Variants in RAB7A observed in about 807,000 individuals in gnomAD.
RAB7A encodes RAB7A, member RAS oncogene family, also known as ras-related protein Rab-7a.
In RAB7A, 2 loss-of-function variants were observed where a neutral mutation model predicts 24.5. The observed-to-expected ratio is 0.08, with a 90% CI of 0.03 to 0.26. The LOEUF (loss-of-function observed/expected upper bound fraction) is 0.26. Ranked by LOEUF, RAB7A falls within the 10% of genes least tolerant of loss-of-function variation. The pLI, the probability that RAB7A is intolerant of heterozygous loss-of-function variation, is 1.00. For synonymous variants in RAB7A, 100 were observed against 95.9 expected, an observed-to-expected ratio of 1.04 and a Z score of -0.25; for missense variants, 118 against 255.7, an observed-to-expected ratio of 0.46 and a Z score of 3.67.
chr3:128,789,824 C>G (rs1185858777), intron 1 of RAB7A, among the ~76,000 whole-genome samples: 1 of 143,604 alleles, frequency 7.0e-6, no homozygotes. Context: ...GAGTTTCACT[C>G]TTGTTGCCCA....
At chr3:128,727,830 A>G (rs1376117434) in intron 1 of RAB7A, among the ~76,000 whole-genome samples, 1 of 152,184 alleles carries the variant, frequency 6.6e-6, no homozygotes, top group Non-Finnish European at 1.5e-5. Flanking sequence ...TTCTCTCTTC[A>G]AACTTGGGAA....
At chr3:128,750,832 G>A (rs2107591152) in intron 1 of RAB7A, among the ~76,000 whole-genome samples, 1 of 152,334 alleles carries the variant, frequency 6.6e-6, no homozygotes, top group Non-Finnish European at 1.5e-5. Flanking sequence ...CAGGCCTGGA[G>A]GCCTAGGAGA....
At position 128,813,694 on chromosome 3, in the gene RAB7A, G is replaced by A. The variant is rs1559799464; in HGVS notation, c.*272G>A. ...TCTGCCTGCCCACCCACATGAGCCC[G>A]CGAGTATGGCAGCAGGACAAGCCAG... On this transcript the variant is annotated 3_prime_UTR_variant, in exon 6 of 6. Coordinates refer to ENST00000265062, the MANE Select transcript of RAB7A (RefSeq NM_004637.6). 6 of 501,738 alleles carry A rather than the reference G, an allele frequency of 1.2e-5. No individual in the cohort carries two copies. The highest frequency in any genetic ancestry group is 5.9e-5 in the South Asian group (3 of 50,534). The allele number at this position is 501,738 out of a possible 1,614,324, so 31.1% of individuals were successfully genotyped here. A position where few individuals can be genotyped will look rare whatever the true frequency, so the allele number is the denominator to read the frequency against.
intron 1 of RAB7A, among the ~76,000 whole-genome samples, chr3:128,747,483 G>A (rs1236294498): frequency 1.3e-5 from 2 of 151,486 alleles, no homozygotes; most frequent in African/African-American, 4.9e-5. Flanking sequence ...CTACTTGGGA[G>A]GCTGAGGCAG....
chr3:128,788,190 C>G, intron 1 of RAB7A, among the ~76,000 whole-genome samples: 1 of 152,158 alleles, frequency 6.6e-6, no homozygotes, highest in East Asian at 1.9e-4. Flanking sequence ...GTTCAAGTAA[C>G]TCATAATTGA....
At chr3:128,755,099 AC>A (rs1392802289) in intron 1 of RAB7A, among the ~76,000 whole-genome samples, 14 of 152,226 alleles carry the variant, frequency 9.2e-5, no homozygotes, top group African/African-American at 3.4e-4. Flanking sequence ...TTTAGGATAG[AC>A]CATACATTAG....
At chr3:128,743,365 G>C (rs1041027256) in intron 1 of RAB7A, among the ~76,000 whole-genome samples, 10 of 152,246 alleles carry the variant, frequency 6.6e-5, no homozygotes, top group Non-Finnish European at 1.5e-4. Context: ...CCAGAGAGGG[G>C]CTCCCACAGT....
At chr3:128,743,089 G>A (rs1276003140) in intron 1 of RAB7A, among the ~76,000 whole-genome samples, 2 of 152,230 alleles carry the variant, frequency 1.3e-5, no homozygotes, top group Admixed American at 6.5e-5. Flanking sequence ...CTGAGGCCTG[G>A]TGAGAATTCG....
intron 1 of RAB7A, among the ~76,000 whole-genome samples, chr3:128,761,413 A>G (rs192828006): frequency 7.9e-5 from 12 of 152,314 alleles, no homozygotes; most frequent in East Asian, 5.8e-4. Context: ...TATTCTTATG[A>G]CATCATACAT....
intron 1 of RAB7A, among the ~76,000 whole-genome samples, chr3:128,752,641 A>C (rs1025996199): frequency 6.6e-6 from 1 of 151,912 alleles, no homozygotes; most frequent in Non-Finnish European, 1.5e-5. Flanking sequence ...TTCCAGAACA[A>C]TGGCTCCTTA....
At chr3:128,789,127 T>C (rs1304837771) in intron 1 of RAB7A, among the ~76,000 whole-genome samples, 2 of 152,212 alleles carry the variant, frequency 1.3e-5, no homozygotes, top group Non-Finnish European at 2.9e-5. Flanking sequence ...TACCTTATTC[T>C]AGAAAATTTT....
intron 1 of RAB7A, among the ~76,000 whole-genome samples, chr3:128,728,055 C>G (rs538907999): frequency 2.2e-4 from 34 of 152,024 alleles, no homozygotes; most frequent in African/African-American, 8.0e-4. Context: ...ATGATAGGCA[C>G]CTTTTTATTC....
intron 1 of RAB7A, among the ~76,000 whole-genome samples, chr3:128,733,827 G>A (rs1419212274): frequency 1.3e-5 from 2 of 152,238 alleles, no homozygotes; most frequent in African/African-American, 4.8e-5. Context: ...GGTGGACACA[G>A]TTCACTTCAT....
intron 1 of RAB7A, among the ~76,000 whole-genome samples, chr3:128,755,146 C>T (rs188713419): frequency 8.5e-5 from 13 of 152,050 alleles, no homozygotes; most frequent in Admixed American, 6.5e-4. Flanking sequence ...TTTAAAAATA[C>T]GATACCAAGT....
At chr3:128,808,476 T>C (rs2107616483) in intron 5 of RAB7A, among the ~76,000 whole-genome samples, 1 of 152,358 alleles carries the variant, frequency 6.6e-6, no homozygotes, top group South Asian at 2.1e-4. Flanking sequence ...GACAGACTCT[T>C]CCAGCTCTCA....
chr3:128,765,817 A>G (rs953282324), intron 1 of RAB7A, among the ~76,000 whole-genome samples: 1 of 150,002 alleles, frequency 6.7e-6, no homozygotes, highest in African/African-American at 2.5e-5. Context: ...GTTGGAGTAC[A>G]ATGGCTCAGT....
intron 1 of RAB7A, among the ~76,000 whole-genome samples, chr3:128,768,780 C>G (rs1258864935): frequency 1.4e-5 from 2 of 147,236 alleles, no homozygotes; most frequent in Non-Finnish European, 3.0e-5. Flanking sequence ...CTAGGCTGCT[C>G]TCAAACTCCC....
chr3:128,780,907 A>G (rs1175616160), intron 1 of RAB7A, among the ~76,000 whole-genome samples: 1 of 152,214 alleles, frequency 6.6e-6, no homozygotes, highest in Non-Finnish European at 1.5e-5. Context: ...TTCTTCTAAC[A>G]AAGGGCATTT....
At chr3:128,782,015 A>C (rs1933232520) in intron 1 of RAB7A, among the ~76,000 whole-genome samples, 1 of 151,954 alleles carries the variant, frequency 6.6e-6, no homozygotes, top group East Asian at 1.9e-4. Flanking sequence ...TCCATCTCAA[A>C]AACAAAACCC....
Sources: gnomAD v4.1 joint callset for allele counts (sites outside exome capture counted in the v4.1 genomes callset) on GRCh38, gnomAD v4.1.1 for gene constraint, MANE v1.5 for transcripts, NCBI Gene and HGNC (gene_info 2026-07-23, HGNC 2026-07-21) for gene names.